The following GLIS3 variants were observed in gnomAD, a reference collection of about 807,000 sequenced individuals.
The protein encoded by GLIS3 is zinc finger protein GLIS3.
Under a neutral mutation model 78.6 loss-of-function variants are expected in GLIS3, and 53 were observed. That is an observed-to-expected ratio of 0.67 (90% CI 0.54 to 0.85). GLIS3 has a LOEUF of 0.85. Among genes scored for constraint, GLIS3 ranks in the 40% least tolerant of loss-of-function variants. The probability of loss-of-function intolerance (pLI) is 0.00; values close to 1 mark genes in which losing one functional copy is unlikely to be tolerated. For synonymous variants in GLIS3, 684 were observed against 509.9 expected (o/e 1.34, Z -4.60); for missense variants, 1,703 against 1,231.1 (o/e 1.38, Z -5.74).
At chr9:4,211,223 T>C (rs1017220584) in intron 2 of GLIS3, among the ~76,000 whole-genome samples, 1 of 152,250 alleles carries the variant, frequency 6.6e-6, no homozygotes, top group Non-Finnish European at 1.5e-5. Context: ...CTAATCTTTA[T>C]ATGCATTTCC....
chr9:4,470,619 T>C, the GLIS3 span, among the ~76,000 whole-genome samples: 1 of 152,218 alleles, frequency 6.6e-6, no homozygotes, highest in Admixed American at 6.5e-5. Flanking sequence ...TAATAAGAGC[T>C]ATCTATGACA....
chr9:3,907,605 AACACACACACACACACACAGACAC>A (rs1206368398), intron 6 of GLIS3, among the ~76,000 whole-genome samples: 13 of 92,320 alleles, frequency 1.4e-4, no homozygotes, highest in South Asian at 8.7e-4. Flanking sequence ...CCACCCCCCA[AACACACACACACACACACAGACAC>A]ACACACACAC....
intron 4 of GLIS3, among the ~76,000 whole-genome samples, chr9:3,993,172 G>A (rs1424692666): frequency 6.6e-6 from 1 of 152,126 alleles, no homozygotes; most frequent in African/African-American, 2.4e-5. Context: ...GAACTGGCCT[G>A]AAAATATTCC....
intron 4 of GLIS3, among the ~76,000 whole-genome samples, chr9:4,025,249 CA>C (rs201640939): frequency 1.4e-5 from 2 of 140,802 alleles, no homozygotes. Flanking sequence ...GACTCCGTCT[CA>C]AAAAAAAAAG....
At chr9:4,281,883 C>T (rs1165961899) in intron 2 of GLIS3, among the ~76,000 whole-genome samples, 1 of 152,162 alleles carries the variant, frequency 6.6e-6, no homozygotes, top group Non-Finnish European at 1.5e-5. Context: ...CTGTTTCCTT[C>T]TAAATTTAAA....
At chr9:4,385,273 A>G in the GLIS3 span, among the ~76,000 whole-genome samples, 2 of 152,146 alleles carry the variant, frequency 1.3e-5, no homozygotes, top group Non-Finnish European at 2.9e-5. Context: ...CCCAACCCCA[A>G]AGATAGAAGT....
the GLIS3 span, among the ~76,000 whole-genome samples, chr9:4,360,521 G>A: frequency 2.6e-5 from 4 of 152,066 alleles, no homozygotes; most frequent in South Asian, 4.2e-4. Context: ...CATTTACTTC[G>A]CCACTTTAGC....
intron 2 of GLIS3, among the ~76,000 whole-genome samples, chr9:4,190,034 C>T (rs1586925023): frequency 1.3e-5 from 2 of 152,270 alleles, no homozygotes; most frequent in East Asian, 3.9e-4. Flanking sequence ...CCCATTGGTA[C>T]ATCACCATCA....
intron 4 of GLIS3, among the ~76,000 whole-genome samples, chr9:4,091,199 A>G (rs1829469060): frequency 6.6e-6 from 1 of 152,036 alleles, no homozygotes; most frequent in Non-Finnish European, 1.5e-5. Flanking sequence ...TACAAAAATA[A>G]TTTTTAAAAT....
chr9:4,094,150 G>A (rs542384387), intron 4 of GLIS3, among the ~76,000 whole-genome samples: 2 of 152,320 alleles, frequency 1.3e-5, no homozygotes, highest in South Asian at 2.1e-4. Context: ...AGAGATGGGA[G>A]TGGAACATGG....
chr9:4,425,279 G>A, the GLIS3 span, among the ~76,000 whole-genome samples: 1 of 152,178 alleles, frequency 6.6e-6, no homozygotes, highest in Admixed American at 6.5e-5. Flanking sequence ...TTAATCCTAA[G>A]TAATATACAC....
chr9:4,405,091 A>G, the GLIS3 span, among the ~76,000 whole-genome samples: 1 of 152,212 alleles, frequency 6.6e-6, no homozygotes. Flanking sequence ...GCAGTGGCTC[A>G]TGCCTGTAAT....
At chr9:3,931,161 G>C (rs901675634) in intron 6 of GLIS3, among the ~76,000 whole-genome samples, 3 of 152,004 alleles carry the variant, frequency 2.0e-5, no homozygotes, top group Non-Finnish European at 4.4e-5. Context: ...GAGTGGGTTT[G>C]TATGCAATTA....
At chr9:3,969,024 A>G (rs722046) in intron 4 of GLIS3, among the ~76,000 whole-genome samples, 13,598 of 152,238 alleles carry the variant, frequency 0.089, 674 homozygotes, top group Middle Eastern at 0.15. Context: ...TGTGTCACAG[A>G]AGCAATTGTC....
chr9:4,435,860 A>G, the GLIS3 span, among the ~76,000 whole-genome samples: 1 of 152,174 alleles, frequency 6.6e-6, no homozygotes, highest in South Asian at 2.1e-4. Context: ...GAGGCAGGAG[A>G]ATGGCATAAA....
chr9:3,869,269 GTGTGTGTGT>G lies in GLIS3; in HGVS notation c.2297+10149_2297+10157del, dbSNP rs1563795506. Among the ~76,000 whole-genome samples, 45 of 7,434 alleles carry G rather than the reference GTGTGTGTGT, an allele frequency of 6.1e-3. No homozygotes were observed. In the East Asian group the frequency reaches 0.35, roughly 58 times the overall value. The allele number at this position is 7,434 out of a possible 152,430, so 4.9% of individuals were successfully genotyped here. A position where few individuals can be genotyped will look rare whatever the true frequency, so the allele number is the denominator to read the frequency against. On this transcript the variant is annotated intron_variant, in intron 8 of 10. Transcript: ENST00000381971. ...AGAGTGAGAAAAAATTATCTAGGGT[GTGTGTGTGT>G]GTGTGTGTGTGTGTGTAAAAGCTGA...
intron 2 of GLIS3, among the ~76,000 whole-genome samples, chr9:4,178,058 T>C (rs1282202251): frequency 6.6e-6 from 1 of 152,222 alleles, no homozygotes; most frequent in African/African-American, 2.4e-5. Context: ...AATTATTATA[T>C]CCTTTCTCAA....
chr9:4,321,148 C>T lies in GLIS3; in HGVS notation n.265-10620G>A, dbSNP rs372548920. ...TTTTTTAAAATCTCAAGGCCGGGCG[C>T]GGTGGCTCACGCCTGTAATCCCAGC... On this transcript the variant is annotated intron_variant and non_coding_transcript_variant, in intron 2 of 4. Coordinates refer to the GLIS3 transcript ENST00000471664. 4.0e-5 allele frequency among the ~76,000 whole-genome samples: 6 copies of T among 151,548 alleles called. No homozygotes were observed. In the East Asian group the frequency reaches 5.8e-4, roughly 15 times the overall value.
chr9:4,077,604 T>C (rs963026231), intron 4 of GLIS3, among the ~76,000 whole-genome samples: 1 of 152,172 alleles, frequency 6.6e-6, no homozygotes, highest in Non-Finnish European at 1.5e-5. Flanking sequence ...TAAGAAAATA[T>C]CCTTCTATGC....
Sources: allele counts gnomAD v4.1 joint callset (sites outside exome capture counted in the v4.1 genomes callset), GRCh38; gene constraint gnomAD v4.1.1; transcripts MANE v1.5; gene names NCBI Gene and HGNC (gene_info 2026-07-23, HGNC 2026-07-21).